Variants in PTBP3 observed in about 807,000 individuals in gnomAD.
PTBP3 encodes the protein polypyrimidine tract-binding protein 3.
In PTBP3, 20 loss-of-function variants were observed where a neutral mutation model predicts 58.7. The observed-to-expected ratio is 0.34, with a 90% CI of 0.24 to 0.50. PTBP3 has a LOEUF of 0.50. PTBP3 is among the 20% of genes least tolerant of loss of function. The pLI is 0.98. For synonymous variants in PTBP3, 185 were observed against 219.8 expected, an observed-to-expected ratio of 0.84 and a Z score of 1.40; for missense variants, 509 against 637.2, an observed-to-expected ratio of 0.80 and a Z score of 2.17.
At chr9:112,293,115 G>A (rs990870553) in intron 2 of PTBP3, among the ~76,000 whole-genome samples, 4 of 152,120 alleles carry the variant, frequency 2.6e-5, no homozygotes, top group Middle Eastern at 3.2e-3. Flanking sequence ...TTGAATGAAA[G>A]AACCCAGACA....
In PTBP3 at chr9:112,317,520, C is replaced by T. The variant is rs73543884; in HGVS notation, c.-52+15950G>A. The stretch of plus-strand genomic sequence containing the variant: ...AATCAACACAGGAAATGAATAAAAC[C>T]GAAAGCTGCTTTTCAAATAGACCAA... On this transcript the variant is annotated intron_variant, in intron 1 of 13. Transcript: ENST00000374257. Among the ~76,000 whole-genome samples, 1,085 of 152,088 alleles carry T rather than the reference C, an allele frequency of 7.1e-3. 14 individuals are homozygous for T. The highest frequency in any genetic ancestry group is 0.024 in the African/African-American group (991 of 41,490).
At chr9:112,333,377 C>A in intron 1 of PTBP3, 93 bp downstream of exon 1, 1 of 1,356,992 alleles carries the variant, frequency 7.4e-7, no homozygotes, top group Non-Finnish European at 9.7e-7. Context: ...CGGCGCCGCG[C>A]ACTGCTCCCC....
intron 1 of PTBP3, chr9:112,333,155 G>A: frequency 8.2e-7 from 1 of 1,215,846 alleles, no homozygotes; most frequent in South Asian, 3.2e-5. Context: ...CGGACTCGGG[G>A]CGCGGAGGGC....
At chr9:112,266,608 C>T (rs781308624) in intron 4 of PTBP3, among the ~76,000 whole-genome samples, 14 of 151,934 alleles carry the variant, frequency 9.2e-5, no homozygotes, top group African/African-American at 1.2e-4. Context: ...AGAAATTGGA[C>T]GAATTATAAT....
chr9:112,290,703 T>TACAC (rs1441556582), intron 2 of PTBP3, among the ~76,000 whole-genome samples: 73 of 64,586 alleles, frequency 1.1e-3, no homozygotes, highest in African/African-American at 6.0e-3. Context: ...TATATATATA[T>TACAC]ATATACACAC....
chr9:112,267,567 G>A (rs941451494), intron 4 of PTBP3, among the ~76,000 whole-genome samples: 3 of 152,096 alleles, frequency 2.0e-5, no homozygotes, highest in African/African-American at 2.4e-5. Context: ...AAGACTCAAC[G>A]TGTGCTACAT....
chr9:112,324,923 A>C (rs1462312940), intron 1 of PTBP3, among the ~76,000 whole-genome samples: 1 of 152,212 alleles, frequency 6.6e-6, no homozygotes, highest in African/African-American at 2.4e-5. Flanking sequence ...CAGCACTTTG[A>C]AAAACAGTTG....
Position 112,223,392 on chromosome 9 carries a change from A to G in PTBP3, c.*459T>C, listed in dbSNP as rs965148325. On this transcript the variant is annotated 3_prime_UTR_variant, in exon 14 of 14. Transcript: ENST00000374257. ...GAATATAATTTCCTACAAGGGTCAG[A>G]CTTCTGATTCATAAGGTTAATAACT... 2.1e-6 allele frequency: 2 copies of G among 946,070 alleles called. No individual in the cohort carries two copies. The highest frequency in any genetic ancestry group is 2.5e-6 in the Non-Finnish European group (2 of 793,102). 58.6% of individuals were successfully genotyped at this position (946,070 alleles called of 1,614,324 possible). A position where few individuals can be genotyped will look rare whatever the true frequency, so the allele number is the denominator to read the frequency against.
chr9:112,239,743 G>A (rs527264896), intron 7 of PTBP3, among the ~76,000 whole-genome samples: 96 of 149,908 alleles, frequency 6.4e-4, no homozygotes, highest in African/African-American at 2.3e-3. Context: ...AAAGAAAGAA[G>A]AGAGAGGAAA....
the PTBP3 span, among the ~76,000 whole-genome samples, chr9:112,340,331 A>G: frequency 6.6e-6 from 1 of 152,086 alleles, no homozygotes; most frequent in African/African-American, 2.4e-5. Context: ...AGCATTACCA[A>G]TTCGTTATTT....
At chr9:112,374,779 T>C in the PTBP3 span, among the ~76,000 whole-genome samples, 1 of 152,186 alleles carries the variant, frequency 6.6e-6, no homozygotes. Context: ...GGCAGAAGCA[T>C]TGTGTACAAG....
At chr9:112,315,964 C>T (rs1196010781) in intron 1 of PTBP3, among the ~76,000 whole-genome samples, 3 of 152,122 alleles carry the variant, frequency 2.0e-5, no homozygotes, top group South Asian at 2.1e-4. Flanking sequence ...GTGCTAAAGC[C>T]GTGCTTACAG....
At chr9:112,353,232 T>G in the PTBP3 span, among the ~76,000 whole-genome samples, 2 of 151,182 alleles carry the variant, frequency 1.3e-5, no homozygotes, top group African/African-American at 4.9e-5. Flanking sequence ...TTCACTCTTC[T>G]CAAATAGCCA....
In PTBP3 at chr9:112,251,014, A is replaced by G. The variant is rs1363722996; in HGVS notation, c.717T>C (p.Asn239=). ...AGCGAGTGAAGTCTCTGCTTTTGTC[A>G]TTATTATATTTCACATTAAGGCTGG... ...KLTSLNVKYN[N]DKSRDFTRLD... The change falls in exon 7 of 14, where the codon AAT becomes AAC. Residue 239 remains asparagine, a synonymous_variant. Transcript: ENST00000374257. 1 of 1,612,372 alleles carries G rather than the reference A, an allele frequency of 6.2e-7. No individual in the cohort carries two copies. Among genetic ancestry groups the G allele is most frequent in the Non-Finnish European group, 8.5e-7 (1 of 1,179,088 alleles).
chr9:112,230,963 T>TGTAGACAATAATAAAATAGCAAAA (rs547407546), intron 10 of PTBP3, among the ~76,000 whole-genome samples: 1 of 151,284 alleles, frequency 6.6e-6, no homozygotes, highest in African/African-American at 2.5e-5. Flanking sequence ...ATTTTGACCC[T>TGTAGACAATAATAAAATAGCAAAA]ACGCAGCTGT....
chr9:112,332,749 C>T (rs1418208173), intron 1 of PTBP3: 1 of 1,608,334 alleles, frequency 6.2e-7, no homozygotes, highest in East Asian at 2.2e-5. Flanking sequence ...TTTGAAATGC[C>T]CCCGAAAATC....
At chr9:112,252,502 T>C (rs553897327) in intron 6 of PTBP3, 176 bp downstream of exon 6, 4 of 551,626 alleles carry the variant, frequency 7.3e-6, no homozygotes, top group Non-Finnish European at 1.2e-5. Flanking sequence ...TATGAAGTAG[T>C]AATGATTTTT....
chr9:112,355,367 C>G, the PTBP3 span, among the ~76,000 whole-genome samples: 1 of 152,182 alleles, frequency 6.6e-6, no homozygotes, highest in African/African-American at 2.4e-5. Flanking sequence ...GGTTTATATT[C>G]TTGTGATAAT....
At chr9:112,304,167 A>G (rs1379769475) in intron 1 of PTBP3, among the ~76,000 whole-genome samples, 3 of 151,956 alleles carry the variant, frequency 2.0e-5, no homozygotes, top group Non-Finnish European at 4.4e-5. Flanking sequence ...ACTCTGTCTT[A>G]GGAGGAAAAA....
Sources: gnomAD v4.1 joint callset for allele counts (sites outside exome capture counted in the v4.1 genomes callset) on GRCh38, gnomAD v4.1.1 for gene constraint, MANE v1.5 for transcripts, NCBI Gene and HGNC (gene_info 2026-07-23, HGNC 2026-07-21) for gene names.